Variants in TXNRD1 observed in about 807,000 individuals in gnomAD.
The protein encoded by TXNRD1 is thioredoxin reductase 1, cytoplasmic.
Under a neutral mutation model 80.3 loss-of-function variants are expected in TXNRD1, and 57 were observed. The ratio of observed to expected loss-of-function variants is 0.71; its 90% CI spans 0.57 to 0.89. The LOEUF is 0.89. TXNRD1 is among the 40% of genes least tolerant of loss of function. The probability of loss-of-function intolerance (pLI) is 0.00; values close to 1 mark genes in which losing one functional copy is unlikely to be tolerated. For synonymous variants in TXNRD1, 291 were observed against 285.2 expected (o/e 1.02, Z -0.20); for missense variants, 730 against 803.0 (o/e 0.91, Z 1.10).
At position 104,331,534 on chromosome 12, in the gene TXNRD1, T is replaced by G. The variant is rs374989029; in HGVS notation, c.1543T>G (p.Cys515Gly). 1 of 1,601,732 alleles carries G rather than the reference T, an allele frequency of 6.2e-7. No homozygotes were observed. The highest frequency in any genetic ancestry group is 8.5e-7 in the Non-Finnish European group (1 of 1,171,620). ...QRLYAGSTVK[C>G]DYENVPTTVF... ...ACTCCTTACCTCCATTTTTAAACAGTGTGACTATGAAAATGTTCCAACCAC... is the reference window on the plus strand; with the variant it reads ...ACTCCTTACCTCCATTTTTAAACAGGGTGACTATGAAAATGTTCCAACCAC... The change falls in exon 14 of 17, where the codon TGT (cysteine) becomes GGT (glycine). Residue 515 changes from cysteine (C) to glycine (G), a missense_variant and splice_region_variant. By Grantham distance (159) the Cys-to-Gly change is radical. Transcript: ENST00000525566.
At chr12:104,307,216 A>G (rs1035948947) in intron 4 of TXNRD1, among the ~76,000 whole-genome samples, 4 of 152,234 alleles carry the variant, frequency 2.6e-5, no homozygotes, top group African/African-American at 9.6e-5. Flanking sequence ...GTTAAGAATC[A>G]AACTGCAAAT....
At chr12:104,276,769 G>A (rs147561496) in intron 3 of TXNRD1, 9 of 152,268 alleles carry the variant, frequency 5.9e-5, no homozygotes, top group South Asian at 2.1e-4. Context: ...ACTAGCTGTC[G>A]GCTCTTGGGA....
At chr12:104,268,632 C>G (rs1293379823) in intron 3 of TXNRD1, among the ~76,000 whole-genome samples, 3 of 152,108 alleles carry the variant, frequency 2.0e-5, no homozygotes, top group Non-Finnish European at 4.4e-5. Flanking sequence ...AATTATCCTG[C>G]CTCAGCCTCC....
In TXNRD1 at chr12:104,253,984, C is replaced by T. The variant is rs534670807; in HGVS notation, c.243+2306C>T. Among the ~76,000 whole-genome samples the T allele has an allele frequency of 4.7e-4, 72 of 152,152 alleles. 1 individual carries two copies. Among genetic ancestry groups the T allele is most frequent in the Non-Finnish European group, 7.6e-4 (52 of 68,024 alleles). On this transcript the variant is annotated intron_variant, in intron 2 of 16. Coordinates refer to ENST00000525566, the MANE Select transcript of TXNRD1 (RefSeq NM_001093771.3). ...CTGGGATTATAGGCGTGAGCCACTG[C>T]GCCCAGCCTGAGGGTTTTCTTAGTT...
chr12:104,344,244 AGATGTGGCTGTGGCTTGGGAGGGGAGAC>A (rs1212170179), intron 16 of TXNRD1, among the ~76,000 whole-genome samples: 1 of 152,148 alleles, frequency 6.6e-6, no homozygotes, highest in Non-Finnish European at 1.5e-5. Context: ...AGGATATTAT[AGATGTGGCTGTGGCTTGGGAGGGGAGAC>A]GATGTGGCTG....
chr12:104,309,220 G>A (rs73396474), intron 4 of TXNRD1, among the ~76,000 whole-genome samples: 1,947 of 152,154 alleles, frequency 0.013, 46 homozygotes, highest in African/African-American at 0.045. Context: ...TCATTCTAAG[G>A]TCAACTGAAT....
At chr12:104,338,190 C>G (rs556864353) in intron 15 of TXNRD1, among the ~76,000 whole-genome samples, 3 of 151,896 alleles carry the variant, frequency 2.0e-5, no homozygotes, top group East Asian at 1.9e-4. Flanking sequence ...GTGAGGACAC[C>G]CTGCCCTTTG....
chr12:104,287,090 T>C, intron 3 of TXNRD1: 3 of 1,442,958 alleles, frequency 2.1e-6, no homozygotes, highest in Non-Finnish European at 2.7e-6. Context: ...GCCTGATGTC[T>C]TCATCATTCT....
At chr12:104,251,763 C>A in intron 2 of TXNRD1, 85 bp downstream of exon 2, 1 of 1,512,704 alleles carries the variant, frequency 6.6e-7, no homozygotes, top group Non-Finnish European at 9.0e-7. Context: ...CTGGATTTTA[C>A]CTTTAGGAAG....
chr12:104,269,336 C>T (rs1003320095), intron 3 of TXNRD1, among the ~76,000 whole-genome samples: 2 of 151,936 alleles, frequency 1.3e-5, no homozygotes, highest in African/African-American at 4.8e-5. Flanking sequence ...TACATTAATT[C>T]AGTCATGTCA....
chr12:104,315,097 C>A (rs1448569793), intron 6 of TXNRD1, among the ~76,000 whole-genome samples: 1 of 152,206 alleles, frequency 6.6e-6, no homozygotes, highest in Non-Finnish European at 1.5e-5. Context: ...TAATCATCCC[C>A]AGCATAGCAA....
intron 15 of TXNRD1, among the ~76,000 whole-genome samples, chr12:104,337,808 A>G (rs2036188566): frequency 6.6e-6 from 1 of 151,858 alleles, no homozygotes; most frequent in African/African-American, 2.4e-5. Context: ...TTTTTTAGAG[A>G]CAGGGTCTTA....
rs564003795 is a variant in TXNRD1 at position 104,251,417 on chromosome 12, T to G, written c.92-110T>G. 179 of 1,097,362 alleles carry G rather than the reference T, an allele frequency of 1.6e-4. 1 individual carries two copies. In the South Asian group the frequency reaches 1.9e-3, roughly 12 times the overall value. 68.0% of individuals were successfully genotyped at this position (1,097,362 alleles called of 1,614,324 possible). On this transcript the variant is annotated intron_variant, in intron 1 of 16. Transcript: ENST00000525566. ...CCTTCCTTCCTCAGATTCCTTATTT[T>G]GGCCTGTGGGACTTAAATGGTAATG...
At chr12:104,288,279 G>T (rs923023735) in intron 3 of TXNRD1, among the ~76,000 whole-genome samples, 2 of 152,230 alleles carry the variant, frequency 1.3e-5, no homozygotes, top group Non-Finnish European at 2.9e-5. Context: ...GAATGTTGGC[G>T]TGATTTATGT....
intron 1 of TXNRD1, among the ~76,000 whole-genome samples, chr12:104,227,616 C>A (rs931542103): frequency 6.6e-6 from 1 of 152,058 alleles, no homozygotes; most frequent in Non-Finnish European, 1.5e-5. Context: ...GATCGGGTTA[C>A]ATAACAGTTC....
intron 3 of TXNRD1, among the ~76,000 whole-genome samples, chr12:104,271,010 G>A (rs560172725): frequency 6.6e-6 from 1 of 152,090 alleles, no homozygotes; most frequent in East Asian, 1.9e-4. Flanking sequence ...AATTAGCCGG[G>A]TGTGGTGGTG....
intron 1 of TXNRD1, among the ~76,000 whole-genome samples, chr12:104,232,525 C>G (rs1022437173): frequency 1.3e-5 from 2 of 151,874 alleles, no homozygotes; most frequent in African/African-American, 4.8e-5. Flanking sequence ...GGAGCCACTG[C>G]ACTCCAGCGT....
chr12:104,254,644 A>AAAAAAATATATATATATAT, intron 2 of TXNRD1, among the ~76,000 whole-genome samples: 2 of 93,632 alleles, frequency 2.1e-5, no homozygotes, highest in East Asian at 2.7e-4. Context: ...AAAAAAAAAA[A>AAAAAAATATATATATATAT]ATATATATAT....
At chr12:104,324,602 G>A (rs1286483742) in intron 10 of TXNRD1, among the ~76,000 whole-genome samples, 5 of 150,786 alleles carry the variant, frequency 3.3e-5, no homozygotes, top group Non-Finnish European at 1.5e-5. Context: ...CTCCCGCCTC[G>A]GCCTCCCAAA....
Sources: allele counts gnomAD v4.1 joint callset (sites outside exome capture counted in the v4.1 genomes callset), GRCh38; gene constraint gnomAD v4.1.1; transcripts MANE v1.5; gene names NCBI Gene and HGNC (gene_info 2026-07-23, HGNC 2026-07-21).